Variants in SERPINF1 observed in about 807,000 individuals in gnomAD.
The protein encoded by SERPINF1 is serpin family F member 1, also known as pigment epithelium-derived factor.
In SERPINF1, 29 loss-of-function variants were observed where a neutral mutation model predicts 37.3. The ratio of observed to expected loss-of-function variants is 0.78; its 90% CI spans 0.58 to 1.06. The LOEUF is 1.06. Ranked by LOEUF, SERPINF1 falls within the 50% of genes least tolerant of loss-of-function variation. SERPINF1 has a pLI of 0.00. For synonymous variants in SERPINF1, 281 were observed against 227.9 expected (o/e 1.23, Z -2.10); for missense variants, 553 against 532.2 (o/e 1.04, Z -0.38).
At position 1,766,963 on chromosome 17, in the gene SERPINF1, G is replaced by C. The variant is rs1468875256; in HGVS notation, c.53G>C (p.Ser18Thr). 1.3e-6 allele frequency: 2 copies of C among 1,562,112 alleles called. No homozygotes were observed. Among genetic ancestry groups the C allele is most frequent in the Admixed American group, 1.9e-5 (1 of 52,362 alleles). The change falls in exon 2 of 8, where the codon AGC (serine) becomes ACC (threonine). Residue 18 changes from serine to threonine, a missense_variant. By Grantham distance (58) the Ser-to-Thr change is moderately conservative. Transcript: ENST00000254722. ...LCIGALLGHS[S>T]CQNPASPPEE... is the part of the protein sequence containing the mutation. ...ATTGGAGCCCTCCTCGGGCACAGCA[G>C]CTGCCAGAACCCTGCCAGCCCCCCG...
chr17:1,774,819 A>C (rs1381603647), intron 5 of SERPINF1, among the ~76,000 whole-genome samples: 1 of 152,124 alleles, frequency 6.6e-6, no homozygotes, highest in African/African-American at 2.4e-5. Context: ...ACTCTAATCA[A>C]CCAAATCAAC....
In SERPINF1 at chr17:1,777,230, A is replaced by T; in HGVS notation, c.1041A>T (p.Thr347=). 1 of 1,614,110 alleles carries T rather than the reference A, an allele frequency of 6.2e-7. No homozygotes were observed. Among genetic ancestry groups the T allele is most frequent in the Non-Finnish European group, 8.5e-7 (1 of 1,180,024 alleles). ...LFDSPDFSKI[T]GKPIKLTQVE... ...ATTCACCAGACTTTAGCAAGATCAC[A>T]GGCAAACCCATCAAGCTGACTCAGG... The change falls in exon 8 of 8, where the codon ACA becomes ACT. Residue 347 remains threonine (T), a synonymous_variant. Coordinates refer to ENST00000254722, the MANE Select transcript of SERPINF1 (RefSeq NM_002615.7).
At chr17:1,770,794 A>G (rs749715988) in intron 3 of SERPINF1, 4 of 521,084 alleles carry the variant, frequency 7.7e-6, no homozygotes, top group Middle Eastern at 5.6e-4. Context: ...GGAGAAGTAC[A>G]GGGACTGGTA....
chr17:1,777,315 G>C lies in SERPINF1; in HGVS notation c.1126G>C (p.Gly376Arg), dbSNP rs1908102210. 1 of 1,614,094 alleles carries C rather than the reference G, an allele frequency of 6.2e-7. No individual in the cohort carries two copies. Among genetic ancestry groups the C allele is most frequent in the Non-Finnish European group, 8.5e-7 (1 of 1,180,012 alleles). ...TGGGGCGGGAACCACCCCCAGCCCAGGGCTGCAGCCTGCCCACCTCACCTT... is the reference window on the plus strand; with the variant it reads ...TGGGGCGGGAACCACCCCCAGCCCACGGCTGCAGCCTGCCCACCTCACCTT... ...EDGAGTTPSP[G>R]LQPAHLTFPL... The change falls in exon 8 of 8, where the codon GGG becomes CGG. Residue 376 changes from glycine to arginine, a missense_variant. Physicochemically the swap from Gly to Arg is moderately radical, Grantham distance 125 (BLOSUM62 -2). Coordinates refer to ENST00000254722, the MANE Select transcript of SERPINF1 (RefSeq NM_002615.7).
At chr17:1,770,398 C>T (rs534265175) in intron 3 of SERPINF1, 73 of 410,570 alleles carry the variant, frequency 1.8e-4, no homozygotes, top group Middle Eastern at 1.5e-3. Flanking sequence ...TTGCCCTCAC[C>T]GAGGACACAG....
In SERPINF1 at chr17:1,771,018, G is replaced by T; in HGVS notation, c.284-11G>T. ...TGCAGTTATCAACGTCCACATCCTT[G>T]TCTCTGGCAGGAGCGGAGCAGCGAA... On this transcript the variant is annotated splice_polypyrimidine_tract_variant and intron_variant, in intron 3 of 7. Coordinates refer to ENST00000254722, the MANE Select transcript of SERPINF1 (RefSeq NM_002615.7). 1 of 1,613,920 alleles carries T rather than the reference G, an allele frequency of 6.2e-7. No individual in the cohort carries two copies. Among genetic ancestry groups the T allele is most frequent in the African/African-American group, 1.3e-5 (1 of 75,044 alleles).
Position 1,775,722 on chromosome 17 carries a change from C to T in SERPINF1, c.786+522C>T, listed in dbSNP as rs533536497. 3.9e-5 allele frequency among the ~76,000 whole-genome samples: 6 copies of T among 152,124 alleles called. No individual in the cohort carries two copies. In the South Asian group the frequency reaches 1.0e-3, roughly 26 times the overall value. ...CCATGCCTGGCTAATTTTATACAGA[C>T]GGGGTTTCTCCATGTTGGTCAGGCT... On this transcript the variant is annotated intron_variant, in intron 6 of 7. Coordinates refer to ENST00000254722, the MANE Select transcript of SERPINF1 (RefSeq NM_002615.7).
At chr17:1,768,729 G>C (rs949647378) in intron 2 of SERPINF1, among the ~76,000 whole-genome samples, 1 of 151,812 alleles carries the variant, frequency 6.6e-6, no homozygotes, top group African/African-American at 2.4e-5. Context: ...CATCTTCCTC[G>C]GCCTGCCAAA....
At position 1,777,112 on chromosome 17, in the gene SERPINF1, G is replaced by C. The variant is rs1042047840; in HGVS notation, c.998-75G>C. The C allele has an allele frequency of 5.0e-6, 8 of 1,610,574 alleles. No homozygotes were observed. In the Admixed American group the frequency reaches 6.7e-5, roughly 13 times the overall value. On this transcript the variant is annotated intron_variant, in intron 7 of 7. Coordinates refer to ENST00000254722, the MANE Select transcript of SERPINF1 (RefSeq NM_002615.7). ...CAACAGTGCTGCGCCATCCCAGCTT[G>C]CTTGCAAAGGGATCCCTTGGTTGGG...
intron 5 of SERPINF1, among the ~76,000 whole-genome samples, 161 bp from the exon 6 acceptor site, chr17:1,774,895 CCA>C (rs754472086): frequency 1.3e-5 from 2 of 152,254 alleles, no homozygotes; most frequent in Non-Finnish European, 2.9e-5. Flanking sequence ...AGGCTCCAAG[CCA>C]CACACACTGA....
In SERPINF1 at chr17:1,775,171, T is replaced by C. The variant is rs754583947; in HGVS notation, c.757T>C (p.Tyr253His). The change falls in exon 6 of 8, where the codon TAT becomes CAT. Residue 253 changes from tyrosine to histidine, a missense_variant. Tyr to His is a moderately conservative substitution (Grantham distance 83, BLOSUM62 2). Coordinates refer to ENST00000254722, the MANE Select transcript of SERPINF1 (RefSeq NM_002615.7). ...GTCGGACCCTAAGGCTGTTTTACGC[T>C]ATGGCTTGGATTCAGATCTCAGCTG... is the stretch of plus-strand genomic sequence containing the variant. The part of the protein sequence containing the change: ...MMSDPKAVLR[Y>H]GLDSDLSCKI... 3 of 1,613,890 alleles carry C rather than the reference T, an allele frequency of 1.9e-6. No homozygotes were observed. The highest frequency in any genetic ancestry group is 2.5e-6 in the Non-Finnish European group (3 of 1,179,990).
At chr17:1,770,159 T>A in intron 3 of SERPINF1, 109 bp downstream of exon 3, 1 of 1,240,864 alleles carries the variant, frequency 8.1e-7, no homozygotes, top group Non-Finnish European at 1.1e-6. Flanking sequence ...AGGGGTGAAG[T>A]AGCACCAGGG....
rs1425599691 is a variant in SERPINF1, at chr17:1,771,897, G to A, written c.465G>A (p.Val155=). 3.1e-6 allele frequency: 5 copies of A among 1,613,534 alleles called. No individual in the cohort carries two copies. Among genetic ancestry groups the A allele is most frequent in the Non-Finnish European group, 4.2e-6 (5 of 1,179,976 alleles). The stretch of plus-strand genomic sequence containing the variant: ...AGCTGCGCATAAAATCCAGCTTTGT[G>A]GCACCTCTGGAAAAGTCATATGGGA... ...EKKLRIKSSF[V]APLEKSYGTR... Residue 155 remains valine (V), a synonymous_variant, in exon 5 of 8, where the codon GTG becomes GTA. Coordinates refer to ENST00000254722, the MANE Select transcript of SERPINF1 (RefSeq NM_002615.7).
At chr17:1,770,851 T>C in intron 3 of SERPINF1, 178 bp from the exon 4 acceptor site, 1 of 751,912 alleles carries the variant, frequency 1.3e-6, no homozygotes, top group Non-Finnish European at 2.3e-6. Flanking sequence ...GCCTTTAACC[T>C]ACTTCAGGAA....
chr17:1,770,099 T>C, intron 3 of SERPINF1, 49 bp downstream of exon 3: 1 of 1,587,040 alleles, frequency 6.3e-7, no homozygotes, highest in Non-Finnish European at 8.6e-7. Flanking sequence ...AGAGGCCCCC[T>C]GTGGCCTCTG....
At chr17:1,768,900 G>A (rs966611945) in intron 2 of SERPINF1, among the ~76,000 whole-genome samples, 5 of 151,086 alleles carry the variant, frequency 3.3e-5, no homozygotes, top group Admixed American at 3.3e-4. Flanking sequence ...CTGCCTCCTG[G>A]GTTCAAGCGA....
intron 1 of SERPINF1, chr17:1,766,567 T>TATAAATAAATAAATAAATAAATAA (rs56041246): frequency 6.9e-6 from 1 of 145,440 alleles, no homozygotes; most frequent in East Asian, 2.0e-4. Flanking sequence ...AAAAATAAAA[T>TATAAATAAATAAATAAATAAATAA]ATAAATAAAT....
intron 2 of SERPINF1, 57 bp from the exon 3 acceptor site, chr17:1,769,795 C>T (rs1907603167): frequency 1.3e-6 from 2 of 1,574,896 alleles, no homozygotes; most frequent in African/African-American, 1.3e-5. Context: ...GGAGACAGTC[C>T]CTGTGCATCT....
chr17:1,772,562 A>G (rs1456928087), intron 5 of SERPINF1, among the ~76,000 whole-genome samples: 1 of 147,750 alleles, frequency 6.8e-6, no homozygotes. Context: ...TTTTACATTT[A>G]TTTATTTATT....
Sources: gnomAD v4.1 joint callset for allele counts (sites outside exome capture counted in the v4.1 genomes callset) on GRCh38, gnomAD v4.1.1 for gene constraint, MANE v1.5 for transcripts, NCBI Gene and HGNC (gene_info 2026-07-23, HGNC 2026-07-21) for gene names.